Variants in CACNA2D3 observed in about 807,000 individuals in gnomAD.
The protein encoded by CACNA2D3 is voltage-dependent calcium channel subunit alpha-2/delta-3.
In CACNA2D3, 60 loss-of-function variants were observed where a neutral mutation model predicts 160.6. The observed-to-expected ratio is 0.37, with a 90% CI of 0.30 to 0.46. The LOEUF is 0.46. CACNA2D3 is among the 20% of genes least tolerant of loss of function. CACNA2D3 has a pLI of 1.00. For missense variants in CACNA2D3, 1,205 were observed against 1,365.0 expected, an observed-to-expected ratio of 0.88 and a Z score of 1.85; for synonymous variants, 558 against 492.9, an observed-to-expected ratio of 1.13 and a Z score of -1.75.
chr3:54,865,175 C>G (rs1324916727), intron 17 of CACNA2D3, among the ~76,000 whole-genome samples: 1 of 152,152 alleles, frequency 6.6e-6, no homozygotes, highest in Non-Finnish European at 1.5e-5. Flanking sequence ...AAAGTGAAAA[C>G]AGTAACTGAT....
intron 2 of CACNA2D3, among the ~76,000 whole-genome samples, chr3:54,317,846 C>T (rs1313376223): frequency 6.6e-6 from 1 of 152,110 alleles, no homozygotes; most frequent in African/African-American, 2.4e-5. Context: ...GCCCCAAACT[C>T]GCTTTTATAA....
intron 12 of CACNA2D3, among the ~76,000 whole-genome samples, chr3:54,758,015 A>C (rs1702006645): frequency 6.6e-6 from 1 of 152,206 alleles, no homozygotes; most frequent in South Asian, 2.1e-4. Context: ...GAGAGTGAGA[A>C]AGGATTTCAA....
At chr3:54,747,186 C>A (rs1345588310) in intron 11 of CACNA2D3, among the ~76,000 whole-genome samples, 1 of 152,030 alleles carries the variant, frequency 6.6e-6, no homozygotes, top group Admixed American at 6.6e-5. Flanking sequence ...TCAGACCCCA[C>A]GGACATTTTT....
Position 54,179,788 on chromosome 3 carries a change from C to T in CACNA2D3, c.204+56194C>T, listed in dbSNP as rs190778738. 1.5e-3 allele frequency among the ~76,000 whole-genome samples: 234 copies of T among 152,186 alleles called. No homozygotes were observed. The Middle Eastern group carries it at 0.02, about 13-fold the overall frequency. ...ATGAGAAGGTGGCTATCTACAAACCCGGAAGCGAGCCCTCACCAGGAACAG... is the reference window on the plus strand; with the variant it reads ...ATGAGAAGGTGGCTATCTACAAACCTGGAAGCGAGCCCTCACCAGGAACAG... On this transcript the variant is annotated intron_variant, in intron 2 of 37. Coordinates refer to ENST00000474759, the MANE Select transcript of CACNA2D3 (RefSeq NM_018398.3).
intron 4 of CACNA2D3, among the ~76,000 whole-genome samples, chr3:54,491,484 T>A (rs1701107964): frequency 6.6e-6 from 1 of 152,208 alleles, no homozygotes; most frequent in Non-Finnish European, 1.5e-5. Flanking sequence ...GAAAGAATCC[T>A]GCTGCTTGGA....
In CACNA2D3 at chr3:54,831,832, A is replaced by G. The variant is rs116107115; in HGVS notation, c.1399-5327A>G. On this transcript the variant is annotated intron_variant, in intron 14 of 37. Transcript: ENST00000474759. The stretch of plus-strand genomic sequence containing the variant: ...GCCCAGATTGGTATGTCTAAGAGTT[A>G]CAAATCCATTTCATGCTCATTGAAG... 2.0e-3 allele frequency among the ~76,000 whole-genome samples: 306 copies of G among 152,184 alleles called. 3 individuals are homozygous for G. The highest frequency in any genetic ancestry group is 6.9e-3 in the African/African-American group (288 of 41,508).
At chr3:54,809,385 C>G (rs142061287) in intron 13 of CACNA2D3, among the ~76,000 whole-genome samples, 2,131 of 126,954 alleles carry the variant, frequency 0.017, 43 homozygotes, top group Non-Finnish European at 0.023. Flanking sequence ...GTGGCGCAAT[C>G]TCGGCTCACT....
At chr3:54,653,395 C>T (rs1311206086) in intron 11 of CACNA2D3, among the ~76,000 whole-genome samples, 2 of 152,152 alleles carry the variant, frequency 1.3e-5, no homozygotes, top group African/African-American at 2.4e-5. Flanking sequence ...TGGCTGAAGT[C>T]ACATTTGGTC....
intron 2 of CACNA2D3, among the ~76,000 whole-genome samples, chr3:54,305,882 A>T (rs1339025743): frequency 6.6e-6 from 1 of 152,212 alleles, no homozygotes; most frequent in Non-Finnish European, 1.5e-5. Context: ...GAAATCACAG[A>T]TCGTTTCCTG....
chr3:54,188,458 G>C (rs1700922753), intron 2 of CACNA2D3, among the ~76,000 whole-genome samples: 1 of 152,196 alleles, frequency 6.6e-6, no homozygotes, highest in South Asian at 2.1e-4. Flanking sequence ...CAGAGTCTGT[G>C]TTCATGATGT....
chr3:54,619,964 G>A (rs1698947033), intron 9 of CACNA2D3, among the ~76,000 whole-genome samples: 1 of 152,176 alleles, frequency 6.6e-6, no homozygotes, highest in Admixed American at 6.5e-5. Flanking sequence ...TAGATCAAGA[G>A]GAAGTGTCCA....
At chr3:54,412,728 T>C (rs1016846891) in intron 4 of CACNA2D3, among the ~76,000 whole-genome samples, 4 of 151,596 alleles carry the variant, frequency 2.6e-5, no homozygotes, top group Non-Finnish European at 4.4e-5. Context: ...TCTGTTTTTG[T>C]TGTTGTTGTT....
intron 6 of CACNA2D3, among the ~76,000 whole-genome samples, chr3:54,566,827 C>T (rs1268451142): frequency 6.6e-6 from 1 of 152,188 alleles, no homozygotes; most frequent in Non-Finnish European, 1.5e-5. Context: ...TGGTTCATAG[C>T]TACAGCCACG....
Position 54,845,286 on chromosome 3 carries a change from T to C in CACNA2D3, c.1552-1107T>C, listed in dbSNP as rs575520893. ...ATTTCACATCACCTTGACGTTAAGCTAACAGGCAGACAGGGTCATTCCTGG... is the reference window on the plus strand; with the variant it reads ...ATTTCACATCACCTTGACGTTAAGCCAACAGGCAGACAGGGTCATTCCTGG... On this transcript the variant is annotated intron_variant, in intron 16 of 37. Transcript: ENST00000474759. 2.0e-5 allele frequency among the ~76,000 whole-genome samples: 3 copies of C among 152,354 alleles called. No homozygotes were observed. In the South Asian group the frequency reaches 6.2e-4, roughly 32 times the overall value.
chr3:54,817,294 T>C (rs758130140), intron 14 of CACNA2D3, among the ~76,000 whole-genome samples: 7 of 152,232 alleles, frequency 4.6e-5, no homozygotes, highest in Non-Finnish European at 1.0e-4. Flanking sequence ...TGAAAACTTA[T>C]TGGATTTTAT....
At chr3:54,988,798 G>A (rs1316928357) in intron 31 of CACNA2D3, among the ~76,000 whole-genome samples, 1 of 152,088 alleles carries the variant, frequency 6.6e-6, no homozygotes, top group Non-Finnish European at 1.5e-5. Context: ...TAGCTTGTTT[G>A]TGCCAGAAGG....
chr3:54,802,039 G>T (rs1220536113), intron 13 of CACNA2D3, among the ~76,000 whole-genome samples: 1 of 152,174 alleles, frequency 6.6e-6, no homozygotes, highest in African/African-American at 2.4e-5. Flanking sequence ...AGCTATGTTT[G>T]TTTGCTTTTA....
chr3:54,390,818 A>G (rs1699266371), intron 4 of CACNA2D3, among the ~76,000 whole-genome samples: 1 of 152,270 alleles, frequency 6.6e-6, no homozygotes, highest in African/African-American at 2.4e-5. Flanking sequence ...TATTACTATG[A>G]TGGTCCGTTA....
At chr3:54,430,302 A>C (rs570114639) in intron 4 of CACNA2D3, among the ~76,000 whole-genome samples, 1 of 152,322 alleles carries the variant, frequency 6.6e-6, no homozygotes, top group Non-Finnish European at 1.5e-5. Flanking sequence ...ACTTTCAAAA[A>C]CATTACTGAT....
Sources: allele counts gnomAD v4.1 joint callset (sites outside exome capture counted in the v4.1 genomes callset), GRCh38; gene constraint gnomAD v4.1.1; transcripts MANE v1.5; gene names NCBI Gene and HGNC (gene_info 2026-07-23, HGNC 2026-07-21).